The following PCLO variants were observed in gnomAD, a reference collection of about 807,000 sequenced individuals.
The protein encoded by PCLO is piccolo presynaptic cytomatrix protein, also known as protein piccolo.
PCLO carries 82 observed loss-of-function variants against 427.5 expected under a neutral mutation model. The ratio of observed to expected loss-of-function variants is 0.19; its 90% confidence interval spans 0.16 to 0.23. The LOEUF (loss-of-function observed/expected upper bound fraction) is 0.23. Ranked by LOEUF, PCLO falls within the 10% of genes least tolerant of loss-of-function variation. PCLO has a pLI of 1.00. For missense variants in PCLO, 6,239 were observed against 6,115.9 expected (o/e 1.02, Z -0.67); for synonymous variants, 2,357 against 2,155.4 (o/e 1.09, Z -2.59).
chr7:82,864,407 G>T (rs1053986280), intron 10 of PCLO, among the ~76,000 whole-genome samples: 1 of 152,214 alleles, frequency 6.6e-6, no homozygotes, highest in African/African-American at 2.4e-5. Context: ...GGGGCTGGTG[G>T]GTGTATAGAT....
At chr7:82,876,455 T>TAC (rs35270740) in intron 10 of PCLO, among the ~76,000 whole-genome samples, 5,853 of 143,108 alleles carry the variant, frequency 0.041, 118 homozygotes, top group South Asian at 0.086. Flanking sequence ...AAAACAAGTA[T>TAC]ACACACACAC....
At chr7:83,109,695 C>G (rs1790953968) in intron 3 of PCLO, among the ~76,000 whole-genome samples, 2 of 151,956 alleles carry the variant, frequency 1.3e-5, no homozygotes, top group South Asian at 4.1e-4. Flanking sequence ...TTTTAAAAGA[C>G]TAAAGACAAA....
chr7:83,050,763 ATT>A (rs1562939348), intron 3 of PCLO, among the ~76,000 whole-genome samples: 3 of 150,376 alleles, frequency 2.0e-5, no homozygotes, highest in African/African-American at 7.3e-5. Flanking sequence ...AAAAAAAAAA[ATT>A]ATCCGGGCAT....
intron 3 of PCLO, among the ~76,000 whole-genome samples, chr7:83,082,036 G>C (rs67672912): frequency 0.12 from 17,863 of 151,332 alleles, 1,180 homozygotes; most frequent in Non-Finnish European, 0.13. Flanking sequence ...AAAGATATTA[G>C]ATGAAATGAT....
chr7:83,155,456 A>G lies in PCLO; in HGVS notation c.1185T>C (p.Pro395=). ...GTTGAGCTGGAGTCTTTCCAACTCC[A>G]GGAGGCTGAGCTAAAGCCTTTGGCC... is the stretch of plus-strand genomic sequence containing the variant. The part of the protein sequence containing the change: ...QPGPKALAQP[P]GVGKTPAQQP... Residue 395 remains proline, a synonymous_variant, in exon 2 of 25, where the codon CCT becomes CCC. Transcript: ENST00000333891. 1 of 1,610,536 alleles carries G rather than the reference A, an allele frequency of 6.2e-7. No homozygotes were observed. Among genetic ancestry groups the G allele is most frequent in the Non-Finnish European group, 8.5e-7 (1 of 1,178,770 alleles).
rs755949380 is a variant in PCLO at position 82,951,994 on chromosome 7, T to A, written c.8959A>T (p.Ile2987Phe). ...DRSGPYGYRG[I>F]GGMKPSMSDT... is the part of the protein sequence containing the mutation. ...GACATGGAAGGCTTCATTCCCCCAA[T>A]CCCTCTATAACCATATGGCCCTGAT... is the stretch of plus-strand genomic sequence containing the variant. The change falls in exon 5 of 25, where the codon ATT (isoleucine) becomes TTT (phenylalanine). Residue 2987 changes from isoleucine (I) to phenylalanine (F), a missense_variant. Physicochemically the swap from Ile to Phe is conservative, Grantham distance 21. Coordinates refer to ENST00000333891, the MANE Select transcript of PCLO (RefSeq NM_033026.6). 1.6e-5 allele frequency: 26 copies of A among 1,613,740 alleles called. No homozygotes were observed. The highest frequency in any genetic ancestry group is 5.3e-5 in the African/African-American group (4 of 74,886).
chr7:82,809,762 GTTCT>G (rs777855144), intron 20 of PCLO, among the ~76,000 whole-genome samples: 14 of 151,360 alleles, frequency 9.2e-5, no homozygotes, highest in Non-Finnish European at 1.3e-4. Context: ...TTTTTTCCAT[GTTCT>G]TTGTCAAAGA....
Position 82,953,064 on chromosome 7 carries a change from T to A in PCLO, c.7889A>T (p.Glu2630Val). 1 of 1,613,952 alleles carries A rather than the reference T, an allele frequency of 6.2e-7. No homozygotes were observed. Among genetic ancestry groups the A allele is most frequent in the South Asian group, 1.1e-5 (1 of 91,086 alleles). ...FSVVPPVTAVEIPISSEQTFY... is the reference protein window; with the variant it reads ...FSVVPPVTAVVIPISSEQTFY... ...GGTCTGTTCTGAAGAAATTGGAATT[T>A]CTACAGCTGTCACAGGAGGAACTAC... Residue 2630 changes from glutamate (E) to valine (V), a missense_variant, in exon 5 of 25, where the codon GAA becomes GTA. Physicochemically the swap from Glu to Val is moderately radical, Grantham distance 121. Around this residue, in one of 5 missense-constraint regions of PCLO, gnomAD observed 4,677 missense variants for 4,468.4 expected, o/e 1.05. Coordinates refer to ENST00000333891, the MANE Select transcript of PCLO (RefSeq NM_033026.6).
intron 3 of PCLO, among the ~76,000 whole-genome samples, chr7:83,066,976 C>A (rs960700450): frequency 6.6e-6 from 1 of 152,110 alleles, no homozygotes; most frequent in African/African-American, 2.4e-5. Context: ...CATGACACTG[C>A]AAGTGAAAAA....
intron 3 of PCLO, among the ~76,000 whole-genome samples, chr7:82,991,670 T>C (rs868042295): frequency 2.0e-5 from 3 of 152,166 alleles, no homozygotes; most frequent in Non-Finnish European, 2.9e-5. Flanking sequence ...TAAACTTTTG[T>C]AGTATATTTT....
intron 10 of PCLO, among the ~76,000 whole-genome samples, chr7:82,862,105 A>G (rs1454112520): frequency 1.3e-5 from 2 of 151,998 alleles, no homozygotes; most frequent in Non-Finnish European, 2.9e-5. Flanking sequence ...CAAATAATAA[A>G]GAACAGAGTG....
intron 3 of PCLO, among the ~76,000 whole-genome samples, chr7:83,074,186 A>C (rs1433282863): frequency 6.6e-6 from 1 of 151,924 alleles, no homozygotes; most frequent in Non-Finnish European, 1.5e-5. Flanking sequence ...AATGTGTGAA[A>C]TACATTTACT....
intron 3 of PCLO, among the ~76,000 whole-genome samples, chr7:83,057,218 T>C (rs1183154625): frequency 1.4e-5 from 2 of 144,232 alleles, no homozygotes; most frequent in South Asian, 2.2e-4. Context: ...TGAGTAGCTG[T>C]ATTTCTAGTA....
At chr7:82,797,804 T>C (rs7792340) in intron 22 of PCLO, among the ~76,000 whole-genome samples, 54,746 of 151,970 alleles carry the variant, frequency 0.36, 10,451 homozygotes, top group African/African-American at 0.46. Flanking sequence ...TTCTGACCCA[T>C]TGAACTAATC....
chr7:83,038,017 A>ATT lies in PCLO; in HGVS notation c.3301-71531_3301-71530insAA, dbSNP rs1475193761. ...TATATATATATATATATATATATAT[A>ATT]TATATATATATATTTATATATTTAT... is the stretch of plus-strand genomic sequence containing the variant. On this transcript the variant is annotated intron_variant, in intron 3 of 24. Transcript: ENST00000333891. Among the ~76,000 whole-genome samples, 53 of 44,904 alleles carry ATT rather than the reference A, an allele frequency of 1.2e-3. 2 individuals carry two copies. Among genetic ancestry groups the ATT allele is most frequent in the African/African-American group, 7.0e-3 (49 of 6,954 alleles). The allele number at this position is 44,904 out of a possible 152,430, so 29.5% of individuals were successfully genotyped here.
rs1388082899 is a variant in PCLO at position 83,053,424 on chromosome 7, A to G, written c.3300+80826T>C. On this transcript the variant is annotated intron_variant, in intron 3 of 24. Transcript: ENST00000333891. ...AAACCTATATCCCAATAACTAGCTA[A>G]GTCATTAGGACATAAAATGTGCCCA... Among the ~76,000 whole-genome samples the G allele has an allele frequency of 2.0e-5, 3 of 152,100 alleles. No homozygotes were observed. The East Asian group carries it at 5.8e-4, about 29-fold the overall frequency.
intron 4 of PCLO, among the ~76,000 whole-genome samples, chr7:82,957,912 G>A (rs754847859): frequency 1.3e-5 from 2 of 152,208 alleles, no homozygotes; most frequent in South Asian, 2.1e-4. Context: ...GGGCTATGAT[G>A]ATGCCATGAC....
chr7:83,135,928 T>C (rs1197077633), intron 2 of PCLO, among the ~76,000 whole-genome samples: 3 of 151,808 alleles, frequency 2.0e-5, no homozygotes. Flanking sequence ...TGAAACCCCA[T>C]CTCTACTTAA....
intron 21 of PCLO, among the ~76,000 whole-genome samples, chr7:82,804,464 A>C (rs972165005): frequency 3.3e-5 from 5 of 152,296 alleles, no homozygotes; most frequent in Middle Eastern, 3.4e-3. Context: ...TGTTGTGGAC[A>C]TCAGAAGGAA....
Sources: allele counts gnomAD v4.1 joint callset (sites outside exome capture counted in the v4.1 genomes callset), GRCh38; gene constraint gnomAD v4.1.1; regional missense constraint gnomAD v4.1.1; transcripts MANE v1.5; gene names NCBI Gene and HGNC (gene_info 2026-07-23, HGNC 2026-07-21).